VPS37C: variants seen among roughly 807,000 people sequenced by gnomAD.
The protein encoded by VPS37C is vacuolar protein sorting-associated protein 37C.
A neutral mutation model predicts 16.1 loss-of-function variants in VPS37C; 9 were observed. The ratio of observed to expected loss-of-function variants is 0.56; its 90% CI spans 0.34 to 0.97. VPS37C has a LOEUF of 0.97. VPS37C is among the 50% of genes least tolerant of loss of function. VPS37C has a pLI of 0.02. For missense variants in VPS37C, 479 were observed against 472.7 expected (o/e 1.01, Z -0.12); for synonymous variants, 207 against 206.4 (o/e 1.00, Z -0.02).
intron 2 of VPS37C, among the ~76,000 whole-genome samples, chr11:61,136,363 G>A (rs1203537536): frequency 6.6e-6 from 1 of 151,862 alleles, no homozygotes; most frequent in Non-Finnish European, 1.5e-5. Flanking sequence ...TAGTAGAGAT[G>A]GGGTTTCACC....
chr11:61,131,762 C>G lies in VPS37C; in HGVS notation c.*58G>C. On this transcript the variant is annotated 3_prime_UTR_variant, in exon 5 of 5. Coordinates refer to ENST00000301765, the MANE Select transcript of VPS37C (RefSeq NM_017966.5). ...GTTGACCCTCGAATCTCGGCGATGG[C>G]TGGGCCAAAGGTTGAGCGTGGGTGG... 1 of 1,238,312 alleles carries G rather than the reference C, an allele frequency of 8.1e-7. No homozygotes were observed. The highest frequency in any genetic ancestry group is 1.0e-6 in the Non-Finnish European group (1 of 990,060). 76.7% of individuals were successfully genotyped at this position (1,238,312 alleles called of 1,614,324 possible). A position where few individuals can be genotyped will look rare whatever the true frequency, so the allele number is the denominator to read the frequency against.
chr11:61,153,314 G>A (rs912889349), intron 1 of VPS37C, among the ~76,000 whole-genome samples: 4 of 152,204 alleles, frequency 2.6e-5, no homozygotes, highest in South Asian at 2.1e-4. Flanking sequence ...CTCACCTGCC[G>A]CCATTAAGAC....
intron 1 of VPS37C, among the ~76,000 whole-genome samples, chr11:61,142,432 C>G (rs535413761): frequency 6.6e-6 from 1 of 152,242 alleles, no homozygotes; most frequent in East Asian, 1.9e-4. Context: ...TGGGGTCTCA[C>G]TATTTGATCC....
chr11:61,137,275 A>G (rs1041736580), intron 2 of VPS37C, among the ~76,000 whole-genome samples: 1 of 152,122 alleles, frequency 6.6e-6, no homozygotes, highest in African/African-American at 2.4e-5. Context: ...CTTATAGCCC[A>G]CGATAAAAAA....
At chr11:61,149,052 C>T (rs1369402926) in intron 1 of VPS37C, among the ~76,000 whole-genome samples, 1 of 152,330 alleles carries the variant, frequency 6.6e-6, no homozygotes, top group East Asian at 1.9e-4. Flanking sequence ...GAGGCCAAGG[C>T]GGGCGGACCA....
intron 1 of VPS37C, among the ~76,000 whole-genome samples, chr11:61,159,632 T>TA (rs562803510): frequency 1.7e-3 from 250 of 147,608 alleles, no homozygotes; most frequent in Middle Eastern, 3.5e-3. Context: ...CCGTCTCTAC[T>TA]AAAAAATACA....
rs1861275711 is a variant in VPS37C at position 61,132,108 on chromosome 11, C to G, written c.780G>C (p.Trp260Cys). 2.1e-6 allele frequency: 3 copies of G among 1,426,874 alleles called. No individual in the cohort carries two copies. Among genetic ancestry groups the G allele is most frequent in the Non-Finnish European group, 2.8e-6 (3 of 1,086,206 alleles). The allele number at this position is 1,426,874 out of a possible 1,614,324, so 88.4% of individuals were successfully genotyped here. The change falls in exon 5 of 5, where the codon TGG (tryptophan) becomes TGC (cysteine). Residue 260 changes from tryptophan to cysteine, a missense_variant. Physicochemically the swap from Trp to Cys is radical, Grantham distance 215. Coordinates refer to ENST00000301765, the MANE Select transcript of VPS37C (RefSeq NM_017966.5). Reference protein sequence around the residue: ...LGPRGAAGYSWSPQRSMPPRP... With the variant: ...LGPRGAAGYSCSPQRSMPPRP... ...GGGGTGGCATGCTCCTCTGTGGGGA[C>G]CAGGAGTAACCCGCAGCACCCCTGG... is the stretch of plus-strand genomic sequence containing the variant.
intron 4 of VPS37C, 106 bp downstream of exon 4, chr11:61,133,149 C>T: frequency 7.8e-7 from 1 of 1,279,792 alleles, no homozygotes; most frequent in Non-Finnish European, 1.1e-6. Context: ...TCTACGAAAG[C>T]TCCCTTGTTC....
At chr11:61,160,889 T>C (rs908991809) in intron 1 of VPS37C, among the ~76,000 whole-genome samples, 7 of 152,206 alleles carry the variant, frequency 4.6e-5, no homozygotes, top group Middle Eastern at 3.4e-3. Context: ...GAAACTCCCA[T>C]CTCTCAATGC....
At chr11:61,137,015 C>T (rs964075568) in intron 2 of VPS37C, among the ~76,000 whole-genome samples, 1 of 152,058 alleles carries the variant, frequency 6.6e-6, no homozygotes, top group Non-Finnish European at 1.5e-5. Context: ...CCTAAAAAAA[C>T]AAAAATTAAA....
chr11:61,159,061 G>C (rs1853423036), intron 1 of VPS37C, among the ~76,000 whole-genome samples: 1 of 152,212 alleles, frequency 6.6e-6, no homozygotes, highest in Non-Finnish European at 1.5e-5. Context: ...CAGGTCTTGA[G>C]TGATCTAATT....
At chr11:61,157,512 G>T (rs750494750) in intron 1 of VPS37C, among the ~76,000 whole-genome samples, 1 of 152,072 alleles carries the variant, frequency 6.6e-6, no homozygotes, top group Non-Finnish European at 1.5e-5. Context: ...ATCTTTTCAT[G>T]TGCTTATTGG....
At chr11:61,153,023 G>A (rs1055745639) in intron 1 of VPS37C, among the ~76,000 whole-genome samples, 1 of 152,210 alleles carries the variant, frequency 6.6e-6, no homozygotes, top group Non-Finnish European at 1.5e-5. Context: ...GCAAGAGTGT[G>A]AGCTCCCCAA....
In VPS37C at chr11:61,131,642, C is replaced by A. The variant is rs1323551573; in HGVS notation, c.*178G>T. Reference sequence around the variant, plus strand: ...GGAGGACCTCTGGCCAGAAGGCCAGCAAGTGCCATGACCAGTCACACCGCC... The same window carrying A: ...GGAGGACCTCTGGCCAGAAGGCCAGAAAGTGCCATGACCAGTCACACCGCC... On this transcript the variant is annotated 3_prime_UTR_variant, in exon 5 of 5. Coordinates refer to ENST00000301765, the MANE Select transcript of VPS37C (RefSeq NM_017966.5). 5 of 912,858 alleles carry A rather than the reference C, an allele frequency of 5.5e-6. No individual in the cohort carries two copies. Among genetic ancestry groups the A allele is most frequent in the Non-Finnish European group, 7.2e-6 (5 of 697,406 alleles). The allele number at this position is 912,858 out of a possible 1,614,324, so 56.5% of individuals were successfully genotyped here. A position where few individuals can be genotyped will look rare whatever the true frequency, so the allele number is the denominator to read the frequency against.
Position 61,135,474 on chromosome 11 carries a change from G to A in VPS37C, c.94-1267C>T, listed in dbSNP as rs573464706. 5.9e-5 allele frequency among the ~76,000 whole-genome samples: 9 copies of A among 152,328 alleles called. No homozygotes were observed. The South Asian group carries it at 8.3e-4, about 14-fold the overall frequency. On this transcript the variant is annotated intron_variant, in intron 2 of 4. Transcript: ENST00000301765. ...TCTACAGACATGGTCTCATTCTGTC[G>A]TCCAGAATGAGTGCAATAGCATGAC...
intron 1 of VPS37C, among the ~76,000 whole-genome samples, chr11:61,142,753 G>GAAACACAC (rs1394627981): frequency 7.4e-6 from 1 of 135,042 alleles, no homozygotes; most frequent in Non-Finnish European, 1.5e-5. Context: ...GAGTCCCCCT[G>GAAACACAC]AAACACACTT....
At chr11:61,142,704 C>T (rs2134639613) in intron 1 of VPS37C, among the ~76,000 whole-genome samples, 1 of 149,944 alleles carries the variant, frequency 6.7e-6, no homozygotes, top group South Asian at 2.1e-4. Flanking sequence ...ACTACTCTAA[C>T]CTCATGGATG....
At chr11:61,142,271 G>A (rs923809085) in intron 1 of VPS37C, among the ~76,000 whole-genome samples, 20 of 152,148 alleles carry the variant, frequency 1.3e-4, no homozygotes, top group Admixed American at 1.1e-3. Flanking sequence ...TCGCTCTATC[G>A]CTCAGGCTAG....
intron 1 of VPS37C, 54 bp from the exon 2 acceptor site, chr11:61,138,889 C>A (rs1861426576): frequency 1.3e-6 from 2 of 1,531,746 alleles, no homozygotes; most frequent in South Asian, 1.1e-5. Context: ...ACGAAGGGAC[C>A]CCCGAGCCTG....
Sources: gnomAD v4.1 joint callset for allele counts (sites outside exome capture counted in the v4.1 genomes callset) on GRCh38, gnomAD v4.1.1 for gene constraint, MANE v1.5 for transcripts, NCBI Gene and HGNC (gene_info 2026-07-23, HGNC 2026-07-21) for gene names.